The following MACROD2 variants were observed in gnomAD, a reference collection of about 807,000 sequenced individuals.
MACROD2 encodes the protein mono-ADP ribosylhydrolase 2, also known as ADP-ribose glycohydrolase MACROD2.
MACROD2 carries 36 observed loss-of-function variants against 70.4 expected under a neutral mutation model. That is an observed-to-expected ratio of 0.51 (90% confidence interval 0.39 to 0.68). The LOEUF (loss-of-function observed/expected upper bound fraction) is 0.68. MACROD2 is among the 30% of genes least tolerant of loss of function. The pLI, the probability that MACROD2 is intolerant of heterozygous loss-of-function variation, is 0.00. For synonymous variants in MACROD2, 172 were observed against 178.8 expected (o/e 0.96, Z 0.30); for missense variants, 496 against 538.4 (o/e 0.92, Z 0.78).
At chr20:14,093,670 A>C (rs1468573149) in intron 3 of MACROD2, among the ~76,000 whole-genome samples, 1 of 440 alleles carries the variant, frequency 2.3e-3, no homozygotes, top group Non-Finnish European at 0.012. Context: ...TCATTTGACA[A>C]AAAAAAAAAA....
chr20:14,365,159 C>G (rs1272798848), intron 3 of MACROD2, among the ~76,000 whole-genome samples: 2 of 151,994 alleles, frequency 1.3e-5, no homozygotes, highest in Non-Finnish European at 2.9e-5. Flanking sequence ...TGTGAGAGAC[C>G]TGTTGATATT....
intron 8 of MACROD2, among the ~76,000 whole-genome samples, chr20:15,718,330 A>G (rs2050735969): frequency 1.3e-5 from 2 of 152,124 alleles, no homozygotes; most frequent in Admixed American, 6.5e-5. Flanking sequence ...TTATTCTTTA[A>G]TCTCATTTCC....
chr20:15,244,475 T>C (rs1295204550), intron 6 of MACROD2, among the ~76,000 whole-genome samples: 1 of 152,160 alleles, frequency 6.6e-6, no homozygotes, highest in Non-Finnish European at 1.5e-5. Context: ...GCTGCCTAGT[T>C]TGGGTCTGGA....
At chr20:15,751,576 T>G (rs778758069) in intron 8 of MACROD2, among the ~76,000 whole-genome samples, 11 of 152,022 alleles carry the variant, frequency 7.2e-5, no homozygotes, top group Non-Finnish European at 1.0e-4. Flanking sequence ...TTCCCTTTTA[T>G]CCTCTTCTAA....
intron 6 of MACROD2, among the ~76,000 whole-genome samples, chr20:15,233,834 A>G (rs6135369): frequency 1.1e-4 from 16 of 150,638 alleles, no homozygotes; most frequent in Admixed American, 1.1e-3. Flanking sequence ...TTGAAAAAAT[A>G]TGACCAATCT....
intron 2 of MACROD2, among the ~76,000 whole-genome samples, chr20:14,013,907 C>T (rs1259989224): frequency 6.6e-6 from 1 of 151,982 alleles, no homozygotes; most frequent in Non-Finnish European, 1.5e-5. Context: ...GTCTCGACCT[C>T]AGGTGATCCA....
chr20:15,839,293 C>T (rs1056542618), intron 8 of MACROD2, among the ~76,000 whole-genome samples: 6 of 152,070 alleles, frequency 3.9e-5, no homozygotes, highest in African/African-American at 1.4e-4. Flanking sequence ...ATGAACCGAA[C>T]CATTGGCCCC....
intron 8 of MACROD2, among the ~76,000 whole-genome samples, chr20:15,504,416 C>T (rs1162933068): frequency 6.6e-6 from 1 of 151,986 alleles, no homozygotes; most frequent in Admixed American, 6.6e-5. Flanking sequence ...GTAATTGAGG[C>T]ACAAAAATGA....
chr20:15,735,137 A>G (rs1259388642), intron 8 of MACROD2, among the ~76,000 whole-genome samples: 2 of 151,938 alleles, frequency 1.3e-5, no homozygotes, highest in African/African-American at 4.8e-5. Flanking sequence ...GTTTTTGTAT[A>G]TTTAGTAGAG....
intron 5 of MACROD2, among the ~76,000 whole-genome samples, chr20:14,930,766 T>TAAAAAAAA (rs11474347): frequency 7.0e-5 from 5 of 71,642 alleles, no homozygotes; most frequent in Admixed American, 2.3e-4. Context: ...GAGCGTGTCT[T>TAAAAAAAA]AAAAAAAAAA....
chr20:15,888,759 G>T lies in MACROD2; in HGVS notation c.775+2948G>T, dbSNP rs189884092. Among the ~76,000 whole-genome samples the T allele has an allele frequency of 5.3e-5, 8 of 152,196 alleles. No homozygotes were observed. In the East Asian group the frequency reaches 1.5e-3, roughly 29 times the overall value. The stretch of plus-strand genomic sequence containing the variant: ...CCACTTGGGCAGAATGGGCTTGGGA[G>T]CTACTCCCAATTTCCTATACCTGAG... On this transcript the variant is annotated intron_variant, in intron 10 of 17. Coordinates refer to ENST00000684519, the MANE Select transcript of MACROD2 (RefSeq NM_001351661.2).
At chr20:14,441,218 CT>C (rs2084118501) in intron 3 of MACROD2, among the ~76,000 whole-genome samples, 1 of 152,168 alleles carries the variant, frequency 6.6e-6, no homozygotes, top group African/African-American at 2.4e-5. Context: ...TCTTAAAATT[CT>C]GCTCTGGGAT....
intron 5 of MACROD2, among the ~76,000 whole-genome samples, chr20:14,764,211 C>T (rs994450058): frequency 9.2e-5 from 14 of 152,094 alleles, no homozygotes; most frequent in African/African-American, 3.4e-4. Flanking sequence ...GGTCCCATTT[C>T]TGGCAGAGGC....
chr20:15,177,061 G>A (rs1440419622), intron 5 of MACROD2, among the ~76,000 whole-genome samples: 1 of 152,208 alleles, frequency 6.6e-6, no homozygotes, highest in Admixed American at 6.5e-5. Flanking sequence ...ATGCCTGGCT[G>A]TGCACAGTGA....
chr20:15,718,663 G>C (rs942957823), intron 8 of MACROD2, among the ~76,000 whole-genome samples: 1 of 152,186 alleles, frequency 6.6e-6, no homozygotes, highest in African/African-American at 2.4e-5. Flanking sequence ...GAGGTAGGAA[G>C]TACTGTTTTT....
intron 8 of MACROD2, among the ~76,000 whole-genome samples, chr20:15,758,313 A>G (rs1600849973): frequency 7.2e-6 from 1 of 139,082 alleles, no homozygotes; most frequent in Admixed American, 8.2e-5. Flanking sequence ...ATCTTGGCTC[A>G]CTGCAACCTC....
chr20:15,367,048 G>A (rs537510995), intron 6 of MACROD2, among the ~76,000 whole-genome samples: 1 of 139,702 alleles, frequency 7.2e-6, no homozygotes, highest in African/African-American at 2.8e-5. Flanking sequence ...TTTTTTTTGA[G>A]AGGGAGTCTC....
At chr20:15,258,450 A>G (rs954826257) in intron 6 of MACROD2, among the ~76,000 whole-genome samples, 1 of 152,048 alleles carries the variant, frequency 6.6e-6, no homozygotes. Context: ...TATCTTTTCT[A>G]TGTTTAGATA....
At chr20:14,259,081 T>C (rs1234774948) in intron 3 of MACROD2, among the ~76,000 whole-genome samples, 2 of 152,206 alleles carry the variant, frequency 1.3e-5, no homozygotes, top group Non-Finnish European at 2.9e-5. Context: ...TAGCTGGGAT[T>C]ACAGCCATGT....
Sources: allele counts gnomAD v4.1 joint callset (sites outside exome capture counted in the v4.1 genomes callset), GRCh38; gene constraint gnomAD v4.1.1; transcripts MANE v1.5; gene names NCBI Gene and HGNC (gene_info 2026-07-23, HGNC 2026-07-21).